PRDM5: variants seen among roughly 807,000 people sequenced by gnomAD.
The protein encoded by PRDM5 is PR domain zinc finger protein 5.
In PRDM5, 56 loss-of-function variants were observed where a neutral mutation model predicts 81.2. That is an observed-to-expected ratio of 0.69 (90% CI 0.56 to 0.86). The LOEUF (loss-of-function observed/expected upper bound fraction) is 0.86. Ranked by LOEUF, PRDM5 falls within the 40% of genes least tolerant of loss-of-function variation. The pLI is 0.00. For missense variants in PRDM5, 697 were observed against 770.1 expected (o/e 0.91, Z 1.12); for synonymous variants, 267 against 256.4 (o/e 1.04, Z -0.39).
downstream of PRDM5, among the ~76,000 whole-genome samples, chr4:120,684,515 T>C (rs1296376755): frequency 2.0e-5 from 3 of 151,938 alleles, no homozygotes. Context: ...TCAGATACCA[T>C]GAAGGCCAAA....
At chr4:120,720,002 C>A (rs1738356734) in intron 14 of PRDM5, among the ~76,000 whole-genome samples, 1 of 151,838 alleles carries the variant, frequency 6.6e-6, no homozygotes, top group South Asian at 2.1e-4. Context: ...TTGAGACAAC[C>A]CAGCGCTCCA....
intron 3 of PRDM5, among the ~76,000 whole-genome samples, chr4:120,822,260 A>C (rs1021306742): frequency 6.6e-6 from 1 of 152,242 alleles, no homozygotes; most frequent in Admixed American, 6.5e-5. Flanking sequence ...TTACATAGTT[A>C]AGGATTTGTT....
chr4:120,685,817 T>C (rs753746056), intron 1 of PRDM5, among the ~76,000 whole-genome samples: 1 of 152,126 alleles, frequency 6.6e-6, no homozygotes, highest in Non-Finnish European at 1.5e-5. Flanking sequence ...CTTTCTTCCC[T>C]CCTTTTCTTT....
chr4:120,751,812 T>A (rs1744054071), intron 14 of PRDM5, among the ~76,000 whole-genome samples: 1 of 152,198 alleles, frequency 6.6e-6, no homozygotes, highest in Non-Finnish European at 1.5e-5. Flanking sequence ...ATTCGTGCAG[T>A]CACCATAGAA....
At chr4:120,776,876 T>C (rs1748226501) in intron 13 of PRDM5, among the ~76,000 whole-genome samples, 1 of 152,172 alleles carries the variant, frequency 6.6e-6, no homozygotes, top group Non-Finnish European at 1.5e-5. Context: ...CCCTTAACTA[T>C]CTATAAAAAG....
chr4:120,788,050 TA>T (rs1218057980), intron 10 of PRDM5, among the ~76,000 whole-genome samples: 3 of 152,194 alleles, frequency 2.0e-5, no homozygotes, highest in African/African-American at 7.2e-5. Context: ...TAATTGGGAA[TA>T]AAAATTTTCT....
chr4:120,726,995 G>C (rs1476746891), intron 14 of PRDM5, among the ~76,000 whole-genome samples: 1 of 152,126 alleles, frequency 6.6e-6, no homozygotes, highest in Non-Finnish European at 1.5e-5. Context: ...TATATTTCTT[G>C]GTGATAAACT....
intron 10 of PRDM5, among the ~76,000 whole-genome samples, chr4:120,787,919 T>C (rs934274144): frequency 6.6e-6 from 1 of 152,104 alleles, no homozygotes; most frequent in Non-Finnish European, 1.5e-5. Context: ...ATGAATATGA[T>C]AAAGGAATGA....
chr4:120,839,022 C>A (rs113175819), intron 3 of PRDM5: 1 of 562,774 alleles, frequency 1.8e-6, no homozygotes, highest in Non-Finnish European at 3.2e-6. Context: ...ACAGGCACAC[C>A]GCAAGTAGCT....
At chr4:120,807,069 G>T (rs1276379123) in intron 8 of PRDM5, among the ~76,000 whole-genome samples, 1 of 152,154 alleles carries the variant, frequency 6.6e-6, no homozygotes, top group African/African-American at 2.4e-5. Context: ...CAAAAGAAGA[G>T]ATTTATGTAG....
chr4:120,828,883 G>A (rs947305562), intron 3 of PRDM5, among the ~76,000 whole-genome samples: 10 of 151,952 alleles, frequency 6.6e-5, no homozygotes, highest in Non-Finnish European at 1.5e-4. Context: ...GTCACCTTGG[G>A]GAAGCCTCTT....
chr4:120,811,960 T>C (rs1388034885), intron 7 of PRDM5, among the ~76,000 whole-genome samples: 1 of 152,148 alleles, frequency 6.6e-6, no homozygotes, highest in Admixed American at 6.5e-5. Flanking sequence ...TATCAAATAA[T>C]AGATCGTATT....
At chr4:120,711,123 T>A (rs892911779) in intron 14 of PRDM5, among the ~76,000 whole-genome samples, 3 of 152,170 alleles carry the variant, frequency 2.0e-5, no homozygotes, top group African/African-American at 7.2e-5. Flanking sequence ...ATGGGTACCA[T>A]AAAAATCTAC....
intron 3 of PRDM5, among the ~76,000 whole-genome samples, chr4:120,829,793 C>T (rs1359025863): frequency 1.3e-5 from 2 of 151,792 alleles, no homozygotes; most frequent in East Asian, 1.9e-4. Flanking sequence ...ATGGGTAATC[C>T]ATGGAAAAGG....
intron 2 of PRDM5, among the ~76,000 whole-genome samples, chr4:120,872,800 T>A (rs746104517): frequency 6.2e-4 from 94 of 152,206 alleles, no homozygotes; most frequent in Non-Finnish European, 9.9e-4. Context: ...AATTTGAAAG[T>A]AGCATGGTGA....
At chr4:120,857,903 A>T (rs1344517328) in intron 2 of PRDM5, among the ~76,000 whole-genome samples, 1 of 152,194 alleles carries the variant, frequency 6.6e-6, no homozygotes, top group Non-Finnish European at 1.5e-5. Context: ...AATCATTTCA[A>T]ATGCCTAAGG....
At chr4:120,736,199 TTGTGTG>T (rs57073985) in intron 14 of PRDM5, among the ~76,000 whole-genome samples, 82,102 of 145,034 alleles carry the variant, frequency 0.57, 23,331 homozygotes, top group East Asian at 0.68. Context: ...TACTATCCTT[TTGTGTG>T]TGTGTGTGTG....
At chr4:120,892,389 T>A (rs1367343573) in intron 2 of PRDM5, among the ~76,000 whole-genome samples, 1 of 152,196 alleles carries the variant, frequency 6.6e-6, no homozygotes, top group Non-Finnish European at 1.5e-5. Flanking sequence ...GTCTCAATGA[T>A]CTAATACTGT....
chr4:120,782,548 T>A (rs1749188015), intron 11 of PRDM5, among the ~76,000 whole-genome samples: 1 of 152,114 alleles, frequency 6.6e-6, no homozygotes, highest in Non-Finnish European at 1.5e-5. Context: ...TAACTTAAAG[T>A]CTCTTAGAGT....
Sources: allele counts gnomAD v4.1 joint callset (sites outside exome capture counted in the v4.1 genomes callset), GRCh38; gene constraint gnomAD v4.1.1; transcripts MANE v1.5; gene names NCBI Gene and HGNC (gene_info 2026-07-23, HGNC 2026-07-21).